The following EXOC1 variants were observed in gnomAD, a reference collection of about 807,000 sequenced individuals.
EXOC1 encodes SEC3-like 1.
A neutral mutation model predicts 107.7 loss-of-function variants in EXOC1; 67 were observed. That is an observed-to-expected ratio of 0.62 (90% CI 0.51 to 0.76). The LOEUF (loss-of-function observed/expected upper bound fraction) is 0.76. EXOC1 is among the 30% of genes least tolerant of loss of function. The probability of loss-of-function intolerance (pLI) is 0.00; values close to 1 mark genes in which losing one functional copy is unlikely to be tolerated. For synonymous variants in EXOC1, 348 were observed against 353.5 expected (o/e 0.98, Z 0.17); for missense variants, 833 against 1,055.7 (o/e 0.79, Z 2.92).
chr4:55,868,675 T>C (rs1722167074), intron 5 of EXOC1, 152 bp downstream of exon 5: 2 of 551,102 alleles, frequency 3.6e-6, no homozygotes, highest in Non-Finnish European at 5.9e-6. Flanking sequence ...ATCAGTCTTT[T>C]ACTGTTCTTG....
intron 12 of EXOC1, 145 bp downstream of exon 12, chr4:55,890,531 G>GAAA (rs34003680): frequency 1.1e-3 from 344 of 299,366 alleles, no homozygotes; most frequent in South Asian, 1.5e-3. Context: ...TCGAATCTGG[G>GAAA]AAAAAAAAAA....
chr4:55,871,186 A>G lies in EXOC1; in HGVS notation c.917A>G (p.Asn306Ser), dbSNP rs756502973. The change falls in exon 7 of 19, where the codon AAT becomes AGT. Residue 306 changes from asparagine (N) to serine (S), a missense_variant. By Grantham distance (46) the Asn-to-Ser change is conservative. Around this residue, in one of 2 missense-constraint regions of EXOC1, gnomAD observed 617 missense variants for 701.3 expected, o/e 0.88. Coordinates refer to ENST00000381295, the MANE Select transcript of EXOC1 (RefSeq NM_001024924.2). ...TCCAGAGGCATTGAGGCCTGCACCAATGCTGCTGATGCCCTTCTGCAGTGC... is the reference window on the plus strand; with the variant it reads ...TCCAGAGGCATTGAGGCCTGCACCAGTGCTGCTGATGCCCTTCTGCAGTGC... Reference protein sequence around the residue: ...ASSRGIEACTNAADALLQCMN... With the variant: ...ASSRGIEACTSAADALLQCMN... The G allele has an allele frequency of 1.4e-5, 22 of 1,613,786 alleles. No individual in the cohort carries two copies. Among genetic ancestry groups the G allele is most frequent in the Admixed American group, 8.3e-5 (5 of 59,970 alleles).
chr4:55,868,642 C>G (rs1394500715), intron 5 of EXOC1, 119 bp downstream of exon 5: 1 of 776,306 alleles, frequency 1.3e-6, no homozygotes, highest in African/African-American at 1.8e-5. Context: ...CCATCTTTAT[C>G]TATAAGCACA....
chr4:55,903,163 AAG>A (rs1291936729), intron 18 of EXOC1, among the ~76,000 whole-genome samples: 3 of 85,552 alleles, frequency 3.5e-5, no homozygotes, highest in African/African-American at 1.1e-4. Flanking sequence ...AAAAAAAAAA[AAG>A]AAAGAAAGAA....
intron 8 of EXOC1, among the ~76,000 whole-genome samples, chr4:55,874,799 A>G (rs1441601331): frequency 2.6e-5 from 4 of 152,172 alleles, no homozygotes; most frequent in Non-Finnish European, 5.9e-5. Flanking sequence ...TTCTGTATCT[A>G]GAAAGATCAA....
At chr4:55,887,067 T>G (rs1219036191) in intron 10 of EXOC1, among the ~76,000 whole-genome samples, 1 of 152,196 alleles carries the variant, frequency 6.6e-6, no homozygotes, top group Non-Finnish European at 1.5e-5. Flanking sequence ...TTCAGTGTAT[T>G]TTTTTCCTTT....
At chr4:55,874,456 G>A (rs192375941) in intron 8 of EXOC1, among the ~76,000 whole-genome samples, 311 of 151,918 alleles carry the variant, frequency 2.0e-3, no homozygotes, top group Non-Finnish European at 3.9e-3. Context: ...TTTCCTTTCC[G>A]ATTTTAAAAA....
At chr4:55,868,733 A>G in intron 5 of EXOC1, 1 of 417,816 alleles carries the variant, frequency 2.4e-6, no homozygotes, top group Non-Finnish European at 4.2e-6. Flanking sequence ...CAGTTGGCTG[A>G]GATTCTGGAT....
chr4:55,904,197 A>T, intron 18 of EXOC1, 146 bp from the exon 19 acceptor site: 1 of 679,484 alleles, frequency 1.5e-6, no homozygotes. Flanking sequence ...CTTGTAGGTA[A>T]AAGTGACTGG....
At position 55,891,383 on chromosome 4, in the gene EXOC1, T is replaced by G; in HGVS notation, c.1608T>G (p.Phe536Leu). Residue 536 changes from phenylalanine to leucine, a missense_variant, in exon 13 of 19, where the codon TTT becomes TTG. Transcript: ENST00000381295. ...CAGAACAGGACTTCATAAGTAAATT[T>G]TTCAAACTACAGCAACATCAAAGTA... ...CLAEQDFISK[F>L]FKLQQHQSMP... The G allele has an allele frequency of 6.2e-7, 1 of 1,613,858 alleles. No individual in the cohort carries two copies. Among genetic ancestry groups the G allele is most frequent in the Non-Finnish European group, 8.5e-7 (1 of 1,179,834 alleles).
rs550012825 is a variant in EXOC1 at position 55,870,223 on chromosome 4, T to C, written c.604-455T>C. ...ACCACTGCTGCTTTCTCAACTAAGA[T>C]ATCACATAGGTGATTATGCTTTTAT... On this transcript the variant is annotated intron_variant, in intron 5 of 18. Transcript: ENST00000381295. 2.0e-5 allele frequency among the ~76,000 whole-genome samples: 3 copies of C among 152,380 alleles called. No individual in the cohort carries two copies. The East Asian group carries it at 5.8e-4, about 29-fold the overall frequency.
chr4:55,869,281 G>A (rs1722223717), intron 5 of EXOC1, among the ~76,000 whole-genome samples: 1 of 152,034 alleles, frequency 6.6e-6, no homozygotes, highest in Admixed American at 6.6e-5. Context: ...CACAAGAATC[G>A]CTTGAACCTG....
intron 11 of EXOC1, 87 bp downstream of exon 11, chr4:55,889,019 C>A (rs1724213400): frequency 2.1e-6 from 3 of 1,411,364 alleles, no homozygotes; most frequent in Non-Finnish European, 2.0e-6. Context: ...AAGGTAACAC[C>A]AAAAATTTTG....
Position 55,860,489 on chromosome 4 carries a change from T to G in EXOC1, c.203T>G (p.Ile68Ser). 6.2e-7 allele frequency: 1 copy of G among 1,614,026 alleles called. No homozygotes were observed. Among genetic ancestry groups the G allele is most frequent in the East Asian group, 2.2e-5 (1 of 44,862 alleles). ...SDKGDFYKRQ[I>S]AWALRDLAVV... ...AAGGGAGATTTCTACAAAAGGCAGATTGCATGGGCCCTTCGAGATCTTGCT... is the reference window on the plus strand; with the variant it reads ...AAGGGAGATTTCTACAAAAGGCAGAGTGCATGGGCCCTTCGAGATCTTGCT... The change falls in exon 3 of 19, where the codon ATT becomes AGT. Residue 68 changes from isoleucine (I) to serine (S), a missense_variant. By Grantham distance (142) the Ile-to-Ser change is moderately radical (BLOSUM62 -2). Coordinates refer to ENST00000381295, the MANE Select transcript of EXOC1 (RefSeq NM_001024924.2).
At chr4:55,876,003 T>C in intron 8 of EXOC1, 1 of 975,562 alleles carries the variant, frequency 1.0e-6, no homozygotes, top group East Asian at 1.1e-4. Flanking sequence ...CATGTGATGC[T>C]GTAGAATCCT....
At chr4:55,854,513 A>G (rs1720773619) in intron 1 of EXOC1, among the ~76,000 whole-genome samples, 1 of 152,210 alleles carries the variant, frequency 6.6e-6, no homozygotes, top group Non-Finnish European at 1.5e-5. Context: ...CTGAAGAGTT[A>G]ATCACTCGAC....
chr4:55,877,527 T>G (rs1723013016), intron 8 of EXOC1: 1 of 985,080 alleles, frequency 1.0e-6, no homozygotes, highest in Non-Finnish European at 1.2e-6. Context: ...TGTAGACTGT[T>G]TTGAATGATT....
chr4:55,882,224 T>A (rs1723465524), intron 9 of EXOC1, among the ~76,000 whole-genome samples: 1 of 151,988 alleles, frequency 6.6e-6, no homozygotes, highest in South Asian at 2.1e-4. Flanking sequence ...CACTGCAGCC[T>A]CAACTTCCTG....
Position 55,896,920 on chromosome 4 carries a change from T to C in EXOC1, c.2137+20T>C. 6.4e-7 allele frequency: 1 copy of C among 1,559,486 alleles called. No individual in the cohort carries two copies. The highest frequency in any genetic ancestry group is 8.6e-7 in the Non-Finnish European group (1 of 1,160,762). On this transcript the variant is annotated intron_variant, in intron 16 of 18. Transcript: ENST00000381295. Reference sequence around the variant, plus strand: ...TTAATGGTAAGCTTTTGTTATGTTCTAAAGAATTGTTATAGCTATTGTTTT... The same window carrying C: ...TTAATGGTAAGCTTTTGTTATGTTCCAAAGAATTGTTATAGCTATTGTTTT...
Sources: gnomAD v4.1 joint callset for allele counts (sites outside exome capture counted in the v4.1 genomes callset) on GRCh38, gnomAD v4.1.1 for gene constraint, gnomAD v4.1.1 regional missense constraint, MANE v1.5 for transcripts, NCBI Gene and HGNC (gene_info 2026-07-23, HGNC 2026-07-21) for gene names.